Variants in FOXN3 observed in about 807,000 individuals in gnomAD.
The protein encoded by FOXN3 is forkhead box N3, also known as forkhead box protein N3.
In FOXN3, 7 loss-of-function variants were observed where a neutral mutation model predicts 38.4. That is an observed-to-expected ratio of 0.18 (90% CI 0.10 to 0.34). The LOEUF is 0.34. Among genes scored for constraint, FOXN3 ranks in the 10% least tolerant of loss-of-function variants. FOXN3 has a pLI of 1.00. For synonymous variants in FOXN3, 230 were observed against 242.2 expected, an observed-to-expected ratio of 0.95 and a Z score of 0.47; for missense variants, 456 against 613.4, an observed-to-expected ratio of 0.74 and a Z score of 2.71.
At chr14:89,336,137 TACAC>T (rs34950734) in intron 3 of FOXN3, among the ~76,000 whole-genome samples, 5,973 of 139,798 alleles carry the variant, frequency 0.043, 365 homozygotes, top group African/African-American at 0.14. Context: ...AAGTGATCCT[TACAC>T]ACACACACAC....
At chr14:89,464,076 G>T (rs188610302) in intron 1 of FOXN3, among the ~76,000 whole-genome samples, 9 of 152,116 alleles carry the variant, frequency 5.9e-5, no homozygotes, top group Non-Finnish European at 1.3e-4. Context: ...GAGCCACCGC[G>T]CCCGGCCTGG....
upstream of FOXN3, chr14:89,417,497 C>G (rs983885942): frequency 1.3e-5 from 2 of 154,998 alleles, no homozygotes; most frequent in African/African-American, 4.9e-5. Context: ...TCCCGCGACC[C>G]AGGGCGGCCG....
At chr14:89,458,030 C>CAAAAAA (rs11445763) in intron 1 of FOXN3, among the ~76,000 whole-genome samples, 1 of 53,496 alleles carries the variant, frequency 1.9e-5, no homozygotes, top group African/African-American at 7.4e-5. Flanking sequence ...AACTCCATCT[C>CAAAAAA]AAAAAAAAAA....
chr14:89,434,670 C>A (rs891287685), intron 1 of FOXN3, among the ~76,000 whole-genome samples: 1 of 152,188 alleles, frequency 6.6e-6, no homozygotes, highest in African/African-American at 2.4e-5. Context: ...CCATTTTCAA[C>A]TCACAGAATA....
chr14:89,373,569 T>A (rs983336114), intron 2 of FOXN3, among the ~76,000 whole-genome samples: 1 of 152,160 alleles, frequency 6.6e-6, no homozygotes, highest in Non-Finnish European at 1.5e-5. Flanking sequence ...CATTTTACAT[T>A]TATTTGTGAG....
intron 2 of FOXN3, chr14:89,353,417 C>A (rs1008848837): frequency 6.9e-6 from 1 of 144,514 alleles, no homozygotes; most frequent in East Asian, 1.9e-4. Flanking sequence ...GGAAGGGCCT[C>A]CAGCAAACAG....
chr14:89,278,790 C>A (rs965238853), intron 4 of FOXN3, among the ~76,000 whole-genome samples: 2 of 152,172 alleles, frequency 1.3e-5, no homozygotes, highest in South Asian at 4.2e-4. Flanking sequence ...GAGGGATGTG[C>A]GTACATTTTT....
At chr14:89,220,955 T>C (rs1695006054) in intron 4 of FOXN3, among the ~76,000 whole-genome samples, 2 of 152,100 alleles carry the variant, frequency 1.3e-5, no homozygotes, top group African/African-American at 4.8e-5. Flanking sequence ...CAGCACTCTA[T>C]GGAGAAGGTG....
chr14:89,433,071 T>G (rs1210682670), intron 1 of FOXN3, among the ~76,000 whole-genome samples: 1 of 152,196 alleles, frequency 6.6e-6, no homozygotes, highest in African/African-American at 2.4e-5. Context: ...ACAGACACAT[T>G]TGGCTGGGCA....
intron 4 of FOXN3, among the ~76,000 whole-genome samples, chr14:89,244,420 G>A (rs530154253): frequency 6.6e-6 from 1 of 152,260 alleles, no homozygotes. Context: ...GGCCAAATAT[G>A]CTCAGAGTTC....
At chr14:89,463,039 C>G (rs1398641938) in intron 1 of FOXN3, among the ~76,000 whole-genome samples, 1 of 151,586 alleles carries the variant, frequency 6.6e-6, no homozygotes, top group African/African-American at 2.4e-5. Flanking sequence ...GGCTGTAATC[C>G]CAGCACTTTG....
At chr14:89,411,888 TAA>T (rs377714699) in intron 2 of FOXN3, 44 bp downstream of exon 2, 1,313 of 990,048 alleles carry the variant, frequency 1.3e-3, no homozygotes, top group Middle Eastern at 2.3e-3. Context: ...AATTTTAAAT[TAA>T]AAAAAAAAAA....
At chr14:89,385,351 A>G (rs1890762708) in intron 2 of FOXN3, among the ~76,000 whole-genome samples, 1 of 152,172 alleles carries the variant, frequency 6.6e-6, no homozygotes, top group African/African-American at 2.4e-5. Context: ...AGCCTAAGTT[A>G]AGATGCCACA....
Position 89,174,615 on chromosome 14 carries a change from C to T in FOXN3, c.851+6086G>A, listed in dbSNP as rs141447983. Among the ~76,000 whole-genome samples the T allele has an allele frequency of 2.4e-4, 37 of 152,266 alleles. 2 individuals carry two copies. Among genetic ancestry groups the T allele is most frequent in the African/African-American group, 8.7e-4 (36 of 41,554 alleles). On this transcript the variant is annotated intron_variant, in intron 5 of 5. Coordinates refer to ENST00000557258, the MANE Select transcript of FOXN3 (RefSeq NM_005197.4). ...CCACCAGGACTTTCAAAGGCATTAACGAACGTCATTGATATGAAATATGAG... is the reference window on the plus strand; with the variant it reads ...CCACCAGGACTTTCAAAGGCATTAATGAACGTCATTGATATGAAATATGAG...
intron 1 of FOXN3, among the ~76,000 whole-genome samples, chr14:89,594,262 T>C (rs1326267085): frequency 6.6e-6 from 1 of 152,250 alleles, no homozygotes; most frequent in Non-Finnish European, 1.5e-5. Flanking sequence ...TACGCATATG[T>C]TCATCTTTTA....
At chr14:89,465,403 T>G (rs1949063103) in intron 1 of FOXN3, among the ~76,000 whole-genome samples, 1 of 152,334 alleles carries the variant, frequency 6.6e-6, no homozygotes, top group East Asian at 1.9e-4. Context: ...CTAATTTTTG[T>G]ATTTTTAGTA....
intron 4 of FOXN3, among the ~76,000 whole-genome samples, chr14:89,231,800 A>G (rs139399877): frequency 1.2e-4 from 19 of 152,236 alleles, no homozygotes; most frequent in African/African-American, 4.1e-4. Context: ...CCATGGTTCA[A>G]TCCTTCCAAG....
intron 3 of FOXN3, among the ~76,000 whole-genome samples, chr14:89,336,151 C>G (rs942429551): frequency 7.3e-6 from 1 of 137,890 alleles, no homozygotes. Flanking sequence ...CACACACACA[C>G]ACACACACAC....
intron 1 of FOXN3, among the ~76,000 whole-genome samples, chr14:89,569,595 C>T (rs1269448567): frequency 1.3e-5 from 2 of 152,224 alleles, no homozygotes; most frequent in Non-Finnish European, 2.9e-5. Context: ...TTCATGCCAC[C>T]AGAAAATCTT....
Sources: allele counts gnomAD v4.1 joint callset (sites outside exome capture counted in the v4.1 genomes callset), GRCh38; gene constraint gnomAD v4.1.1; transcripts MANE v1.5; gene names NCBI Gene and HGNC (gene_info 2026-07-23, HGNC 2026-07-21).